LHX8: variants seen among roughly 807,000 people sequenced by gnomAD.
The protein encoded by LHX8 is LIM homeobox 8, also known as LIM/homeobox protein Lhx8.
In LHX8, 12 loss-of-function variants were observed where a neutral mutation model predicts 40.3. That is an observed-to-expected ratio of 0.30 (90% confidence interval 0.19 to 0.48). The LOEUF is 0.48. Ranked by LOEUF, LHX8 falls within the 20% of genes least tolerant of loss-of-function variation. LHX8 has a pLI of 0.99. For missense variants in LHX8, 344 were observed against 433.7 expected (o/e 0.79, Z 1.84); for synonymous variants, 179 against 162.0 (o/e 1.10, Z -0.80).
chr1:75,180,184 C>T, the LHX8 span, among the ~76,000 whole-genome samples: 5 of 152,034 alleles, frequency 3.3e-5, no homozygotes, highest in East Asian at 1.9e-4. Context: ...TTGCTCTTCT[C>T]GAGGAGTATC....
the LHX8 span, among the ~76,000 whole-genome samples, chr1:75,171,412 A>ATTT: frequency 2.4e-4 from 35 of 143,822 alleles, no homozygotes; most frequent in African/African-American, 7.6e-4. Flanking sequence ...ATGGGGCCAA[A>ATTT]TTTTTATTAT....
chr1:75,187,702 G>T, the LHX8 span, among the ~76,000 whole-genome samples: 4 of 152,190 alleles, frequency 2.6e-5, no homozygotes, highest in Admixed American at 2.0e-4. Context: ...TGATAGTAAG[G>T]GTCTGCACTT....
chr1:75,131,745 T>A (rs756944318), upstream of LHX8: 3 of 152,246 alleles, frequency 2.0e-5, no homozygotes, highest in Non-Finnish European at 4.4e-5. Flanking sequence ...TTTAGGGAGA[T>A]ACACTCAAGG....
At chr1:75,177,470 T>C in the LHX8 span, among the ~76,000 whole-genome samples, 12 of 151,840 alleles carry the variant, frequency 7.9e-5, no homozygotes, top group Non-Finnish European at 1.6e-4. Context: ...AATTGGCTCT[T>C]TGTTTGTCTA....
the LHX8 span, among the ~76,000 whole-genome samples, chr1:75,193,715 A>T: frequency 6.6e-6 from 1 of 152,172 alleles, no homozygotes; most frequent in African/African-American, 2.4e-5. Flanking sequence ...GCCTACATTT[A>T]TCTAACTAGC....
the LHX8 span, among the ~76,000 whole-genome samples, chr1:75,178,923 G>A: frequency 2.2e-4 from 33 of 152,146 alleles, no homozygotes; most frequent in African/African-American, 6.5e-4. Flanking sequence ...CCTTCATTTC[G>A]TTATTTACCC....
At chr1:75,151,753 A>C (rs1364944590) in intron 7 of LHX8, among the ~76,000 whole-genome samples, 1 of 152,242 alleles carries the variant, frequency 6.6e-6, no homozygotes, top group Non-Finnish European at 1.5e-5. Flanking sequence ...GCTTCAGGTA[A>C]GTCAGATGCA....
chr1:75,194,643 T>G, the LHX8 span, among the ~76,000 whole-genome samples: 6 of 152,200 alleles, frequency 3.9e-5, no homozygotes, highest in Non-Finnish European at 7.3e-5. Context: ...ACAGGAAGTT[T>G]CTCTCATGAA....
chr1:75,147,049 ACT>A (rs921087506), intron 6 of LHX8, among the ~76,000 whole-genome samples: 6 of 152,172 alleles, frequency 3.9e-5, no homozygotes, highest in Non-Finnish European at 7.4e-5. Flanking sequence ...TAGAAACATA[ACT>A]CTATTTTCAC....
chr1:75,145,310 A>G (rs1025770141), intron 6 of LHX8, among the ~76,000 whole-genome samples: 2 of 152,100 alleles, frequency 1.3e-5, no homozygotes, highest in African/African-American at 4.8e-5. Context: ...TAGAATCTCT[A>G]ATATAAATCT....
In LHX8 at chr1:75,134,676, G is replaced by A. The variant is rs768905062; in HGVS notation, c.-291G>A. Among the ~76,000 whole-genome samples, 4 of 152,088 alleles carry A rather than the reference G, an allele frequency of 2.6e-5. No homozygotes were observed. Among genetic ancestry groups the A allele is most frequent in the Non-Finnish European group, 5.9e-5 (4 of 68,026 alleles). Reference sequence around the variant, plus strand: ...GTAAACTAGTAGCAAAGGACGTGCCGGAGCTGGCAGTTCCCCCTGAGAAGG... The same window carrying A: ...GTAAACTAGTAGCAAAGGACGTGCCAGAGCTGGCAGTTCCCCCTGAGAAGG... On this transcript the variant is annotated 5_prime_UTR_variant, in exon 1 of 9. Coordinates refer to ENST00000356261, the MANE Select transcript of LHX8 (RefSeq NM_001256114.2).
At chr1:75,141,597 G>C (rs1401067256) in intron 4 of LHX8, among the ~76,000 whole-genome samples, 1 of 152,060 alleles carries the variant, frequency 6.6e-6, no homozygotes. Context: ...CAGAAGAATT[G>C]ATCATTCTGG....
At chr1:75,144,268 C>T (rs1331276380) in intron 6 of LHX8, among the ~76,000 whole-genome samples, 1 of 152,130 alleles carries the variant, frequency 6.6e-6, no homozygotes, top group East Asian at 1.9e-4. Context: ...TATATTACTA[C>T]ACATAATTGC....
At chr1:75,199,140 T>A in the LHX8 span, among the ~76,000 whole-genome samples, 4 of 152,208 alleles carry the variant, frequency 2.6e-5, no homozygotes, top group Non-Finnish European at 5.9e-5. Flanking sequence ...AGCTTATGAT[T>A]TGCTATTGAG....
At chr1:75,136,310 TC>T (rs889186539) in intron 1 of LHX8, among the ~76,000 whole-genome samples, 2 of 151,934 alleles carry the variant, frequency 1.3e-5, no homozygotes, top group African/African-American at 4.8e-5. Flanking sequence ...TAACTTGTTA[TC>T]CCCGGCGGGG....
At chr1:75,196,878 A>G in the LHX8 span, among the ~76,000 whole-genome samples, 35,994 of 152,008 alleles carry the variant, frequency 0.24, 4,666 homozygotes, top group Middle Eastern at 0.35. Context: ...AGGCAATCAA[A>G]GCACATCAAG....
chr1:75,185,797 A>G, the LHX8 span, among the ~76,000 whole-genome samples: 7 of 152,108 alleles, frequency 4.6e-5, no homozygotes, highest in African/African-American at 9.7e-5. Context: ...TCGAAAACCC[A>G]AGAGTCTCAA....
chr1:75,185,788 C>T, the LHX8 span, among the ~76,000 whole-genome samples: 23 of 152,156 alleles, frequency 1.5e-4, no homozygotes, highest in African/African-American at 5.3e-4. Flanking sequence ...TCTTATATCT[C>T]GAAAACCCAA....
chr1:75,175,614 T>C, the LHX8 span, among the ~76,000 whole-genome samples: 1 of 152,182 alleles, frequency 6.6e-6, no homozygotes, highest in Admixed American at 6.5e-5. Context: ...CTTTTGAGAA[T>C]TGTATATTCA....
Sources: gnomAD v4.1 joint callset for allele counts (sites outside exome capture counted in the v4.1 genomes callset) on GRCh38, gnomAD v4.1.1 for gene constraint, MANE v1.5 for transcripts, NCBI Gene and HGNC (gene_info 2026-07-23, HGNC 2026-07-21) for gene names.